ZNF536: variants seen among roughly 807,000 people sequenced by gnomAD.
ZNF536 encodes the protein zinc finger protein 536.
A neutral mutation model predicts 84.5 loss-of-function variants in ZNF536; 13 were observed. The ratio of observed to expected loss-of-function variants is 0.15; its 90% confidence interval spans 0.10 to 0.24. ZNF536 has a LOEUF of 0.24. Ranked by LOEUF, ZNF536 falls within the 10% of genes least tolerant of loss-of-function variation. The probability of loss-of-function intolerance (pLI) is 1.00; values close to 1 mark genes in which losing one functional copy is unlikely to be tolerated. For synonymous variants in ZNF536, 811 were observed against 742.5 expected (o/e 1.09, Z -1.50); for missense variants, 1,536 against 1,747.5 (o/e 0.88, Z 2.16).
intron 1 of ZNF536, among the ~76,000 whole-genome samples, chr19:30,705,360 GAATAA>G (rs1454339879): frequency 6.6e-6 from 1 of 151,610 alleles, no homozygotes; most frequent in African/African-American, 2.4e-5. Context: ...TATGGATATA[GAATAA>G]AACGCATTGT....
chr19:30,464,858 G>A (rs1233230698), intron 2 of ZNF536, among the ~76,000 whole-genome samples: 1 of 152,044 alleles, frequency 6.6e-6, no homozygotes, highest in Non-Finnish European at 1.5e-5. Flanking sequence ...GAAGCACAAG[G>A]TTCTGTGGAG....
intron 4 of ZNF536, among the ~76,000 whole-genome samples, chr19:30,549,805 T>C (rs767063848): frequency 2.6e-5 from 4 of 152,138 alleles, no homozygotes; most frequent in Non-Finnish European, 5.9e-5. Flanking sequence ...CTGTTTGCCA[T>C]CTAGAACTTG....
intron 1 of ZNF536, among the ~76,000 whole-genome samples, chr19:30,254,035 G>A (rs923302359): frequency 3.9e-5 from 6 of 152,102 alleles, no homozygotes; most frequent in African/African-American, 1.4e-4. Flanking sequence ...AGTGGAGGGG[G>A]GTGTGGGCCG....
chr19:30,468,569 G>A (rs374679492), intron 2 of ZNF536, among the ~76,000 whole-genome samples: 26 of 152,260 alleles, frequency 1.7e-4, no homozygotes, highest in African/African-American at 6.3e-4. Context: ...GGCCCGACTT[G>A]TCCAGATGTC....
intron 1 of ZNF536, among the ~76,000 whole-genome samples, chr19:30,682,673 C>T (rs2051023551): frequency 6.6e-6 from 1 of 152,196 alleles, no homozygotes; most frequent in African/African-American, 2.4e-5. Flanking sequence ...TCGTTGCTTT[C>T]CTGCCCTCCC....
At chr19:30,410,832 A>G (rs1254566154) in intron 1 of ZNF536, among the ~76,000 whole-genome samples, 1 of 152,172 alleles carries the variant, frequency 6.6e-6, no homozygotes, top group Non-Finnish European at 1.5e-5. Context: ...CCCTCTTCTC[A>G]AGAGGTAATA....
intron 3 of ZNF536, among the ~76,000 whole-genome samples, chr19:30,538,152 T>G (rs2045170325): frequency 6.6e-6 from 1 of 152,210 alleles, no homozygotes; most frequent in African/African-American, 2.4e-5. Flanking sequence ...GCCTCTCTTT[T>G]GGCCCTGGTG....
chr19:30,497,257 T>C (rs934842687), intron 2 of ZNF536, among the ~76,000 whole-genome samples: 1 of 152,226 alleles, frequency 6.6e-6, no homozygotes, highest in African/African-American at 2.4e-5. Flanking sequence ...ACAATGGTAA[T>C]GATCACTCTG....
intron 2 of ZNF536, among the ~76,000 whole-genome samples, chr19:30,302,087 T>C (rs1441258046): frequency 6.6e-6 from 1 of 151,922 alleles, no homozygotes; most frequent in Non-Finnish European, 1.5e-5. Flanking sequence ...TGTTTGTATA[T>C]AATATTTTTT....
At chr19:30,459,128 C>T (rs1196066552) in intron 2 of ZNF536, among the ~76,000 whole-genome samples, 6 of 152,136 alleles carry the variant, frequency 3.9e-5, no homozygotes, top group Non-Finnish European at 8.8e-5. Flanking sequence ...GCTCAATAGA[C>T]GTCATCTGTT....
chr19:30,590,377 T>G (rs1471282487), intron 1 of ZNF536, among the ~76,000 whole-genome samples: 1 of 152,160 alleles, frequency 6.6e-6, no homozygotes, highest in East Asian at 1.9e-4. Context: ...CTAGGGCACT[T>G]GGGCCCTGGT....
At chr19:30,271,129 C>A (rs1169151542) in intron 1 of ZNF536, among the ~76,000 whole-genome samples, 1 of 152,046 alleles carries the variant, frequency 6.6e-6, no homozygotes, top group African/African-American at 2.4e-5. Flanking sequence ...GGGATAGGAA[C>A]TTTACCATGC....
intron 4 of ZNF536, chr19:30,556,317 C>T (rs1211003579): frequency 6.6e-6 from 1 of 152,372 alleles, no homozygotes; most frequent in African/African-American, 2.4e-5. Flanking sequence ...TGCTGCAGAG[C>T]TTTTCTGTTT....
chr19:30,471,869 T>A (rs3786806), intron 2 of ZNF536, among the ~76,000 whole-genome samples: 63,965 of 152,050 alleles, frequency 0.42, 16,550 homozygotes, highest in African/African-American at 0.72. Context: ...TAAGTTTTTT[T>A]AAAATTATTT....
At chr19:30,560,544 C>G (rs1599808326), downstream of ZNF536, among the ~76,000 whole-genome samples, 1 of 152,136 alleles carries the variant, frequency 6.6e-6, no homozygotes, top group South Asian at 2.1e-4. Flanking sequence ...AGACCTGGAC[C>G]CTTCCTAACA....
Position 30,548,453 on chromosome 19 carries a change from C to G in ZNF536, c.2834C>G (p.Pro945Arg), listed in dbSNP as rs781358054. 1 of 1,614,192 alleles carries G rather than the reference C, an allele frequency of 6.2e-7. No homozygotes were observed. The highest frequency in any genetic ancestry group is 8.5e-7 in the Non-Finnish European group (1 of 1,180,038). ...AAGGACAAAGCCCTGGCTGACCCCC[C>G]TTCCATGAAAGTCCACGGAGTGGAT... is the stretch of plus-strand genomic sequence containing the variant. Reference protein sequence around the residue: ...DMKDKALADPPSMKVHGVDGG... With the variant: ...DMKDKALADPRSMKVHGVDGG... The change falls in exon 4 of 5, where the codon CCT becomes CGT. Residue 945 changes from proline (P) to arginine (R), a missense_variant. Physicochemically the swap from Pro to Arg is moderately radical, Grantham distance 103. Transcript: ENST00000355537.
At chr19:30,682,179 C>A (rs971872736) in intron 1 of ZNF536, among the ~76,000 whole-genome samples, 1 of 152,062 alleles carries the variant, frequency 6.6e-6, no homozygotes, top group South Asian at 2.1e-4. Flanking sequence ...TCTGACCCAG[C>A]CAGGCAAGGG....
intron 2 of ZNF536, among the ~76,000 whole-genome samples, chr19:30,533,434 C>G (rs2044938174): frequency 6.6e-6 from 1 of 152,054 alleles, no homozygotes; most frequent in African/African-American, 2.4e-5. Context: ...GCAGGAGGAT[C>G]CCTTGTGCCC....
chr19:30,458,064 C>T (rs769012378), intron 2 of ZNF536, among the ~76,000 whole-genome samples: 3 of 152,200 alleles, frequency 2.0e-5, no homozygotes, highest in Non-Finnish European at 4.4e-5. Flanking sequence ...AGATATTAAG[C>T]CAGAGACAAA....
Sources: allele counts gnomAD v4.1 joint callset (sites outside exome capture counted in the v4.1 genomes callset), GRCh38; gene constraint gnomAD v4.1.1; transcripts MANE v1.5; gene names NCBI Gene and HGNC (gene_info 2026-07-23, HGNC 2026-07-21).